Variants in BTAF1 observed in about 807,000 individuals in gnomAD.
BTAF1 encodes B-TFIID TATA-box binding protein associated factor 1.
Under a neutral mutation model 227.1 loss-of-function variants are expected in BTAF1, and 38 were observed. That is an observed-to-expected ratio of 0.17 (90% CI 0.13 to 0.22). The LOEUF is 0.22. BTAF1 is among the 10% of genes least tolerant of loss of function. BTAF1 has a pLI of 1.00. For missense variants in BTAF1, 1,598 were observed against 2,204.0 expected, an observed-to-expected ratio of 0.73 and a Z score of 5.51; for synonymous variants, 742 against 751.9, an observed-to-expected ratio of 0.99 and a Z score of 0.21.
At chr10:91,968,279 T>C (rs2133928999) in intron 14 of BTAF1, among the ~76,000 whole-genome samples, 1 of 152,342 alleles carries the variant, frequency 6.6e-6, no homozygotes, top group Admixed American at 6.5e-5. Flanking sequence ...TTTTCCAAAA[T>C]ATCACATAGT....
chr10:91,997,059 TTAACTC>T (rs1346293330), intron 24 of BTAF1: 6 of 1,246,228 alleles, frequency 4.8e-6, no homozygotes, highest in Non-Finnish European at 6.3e-6. Context: ...CTAACATTCT[TTAACTC>T]AAAGTATCTG....
chr10:91,980,965 T>A (rs1424221597), intron 15 of BTAF1, among the ~76,000 whole-genome samples: 1 of 152,164 alleles, frequency 6.6e-6, no homozygotes, highest in African/African-American at 2.4e-5. Flanking sequence ...CTTAGAGTGA[T>A]CATATGTGTT....
intron 24 of BTAF1, chr10:91,996,937 T>C: frequency 2.5e-6 from 1 of 394,048 alleles, no homozygotes; most frequent in South Asian, 2.2e-5. Flanking sequence ...CCCTATGTTA[T>C]AAACATTTTA....
intron 14 of BTAF1, among the ~76,000 whole-genome samples, chr10:91,969,699 C>G (rs1440074266): frequency 2.0e-5 from 3 of 152,184 alleles, no homozygotes; most frequent in Admixed American, 1.3e-4. Flanking sequence ...CGTGGTGGCT[C>G]AGGCCTGTGA....
chr10:91,992,861 A>G (rs1484390715), intron 21 of BTAF1, among the ~76,000 whole-genome samples: 1 of 152,172 alleles, frequency 6.6e-6, no homozygotes, highest in Non-Finnish European at 1.5e-5. Flanking sequence ...GTACAGTCTT[A>G]ACAAGCAGTG....
intron 1 of BTAF1, among the ~76,000 whole-genome samples, chr10:91,926,497 A>G (rs1770921560): frequency 6.6e-6 from 1 of 152,094 alleles, no homozygotes; most frequent in Non-Finnish European, 1.5e-5. Context: ...TGCCTTTCTA[A>G]TCTTTCTCCA....
intron 19 of BTAF1, among the ~76,000 whole-genome samples, chr10:91,987,530 A>G (rs1848489653): frequency 6.6e-6 from 1 of 151,840 alleles, no homozygotes; most frequent in Admixed American, 6.6e-5. Flanking sequence ...TATTTCCATT[A>G]TCAGAGCCCA....
intron 11 of BTAF1, among the ~76,000 whole-genome samples, chr10:91,960,377 A>G (rs1846418530): frequency 6.6e-6 from 1 of 152,184 alleles, no homozygotes; most frequent in Non-Finnish European, 1.5e-5. Context: ...TTAAGTTCAA[A>G]GATTATTTTT....
intron 5 of BTAF1, 26 bp downstream of exon 5, chr10:91,951,592 T>C (rs1167313732): frequency 5.8e-6 from 9 of 1,562,734 alleles, no homozygotes; most frequent in Non-Finnish European, 7.8e-6. Flanking sequence ...GGTTATTTGA[T>C]TGCAAGTAAT....
At chr10:92,000,527 A>G (rs1231193774) in intron 25 of BTAF1, among the ~76,000 whole-genome samples, 2 of 152,134 alleles carry the variant, frequency 1.3e-5, no homozygotes, top group Non-Finnish European at 2.9e-5. Flanking sequence ...AATGCTTAGC[A>G]GTAGTCTTTT....
chr10:91,941,117 TTC>T (rs772386088), intron 3 of BTAF1, among the ~76,000 whole-genome samples: 4 of 152,232 alleles, frequency 2.6e-5, no homozygotes, highest in African/African-American at 2.4e-5. Flanking sequence ...TTAATTTGTC[TTC>T]TCTCATTAAA....
At chr10:92,006,475 C>T (rs1489518841) in intron 25 of BTAF1, among the ~76,000 whole-genome samples, 1 of 152,122 alleles carries the variant, frequency 6.6e-6, no homozygotes, top group African/African-American at 2.4e-5. Flanking sequence ...ATGTCTTATA[C>T]TTTTGAATGG....
At chr10:92,027,349 T>G in intron 37 of BTAF1, 49 bp downstream of exon 37, 1 of 1,515,184 alleles carries the variant, frequency 6.6e-7, no homozygotes, top group South Asian at 1.3e-5. Context: ...AGGCTTCCTG[T>G]GACTGCTAAG....
At chr10:91,927,685 T>C (rs890330828) in intron 1 of BTAF1, among the ~76,000 whole-genome samples, 4 of 152,146 alleles carry the variant, frequency 2.6e-5, no homozygotes, top group African/African-American at 9.7e-5. Context: ...CCATATGAGT[T>C]GCCTCATAAA....
At chr10:91,982,894 A>C (rs1419525727) in intron 18 of BTAF1, 133 bp downstream of exon 18, 14 of 951,010 alleles carry the variant, frequency 1.5e-5, no homozygotes, top group Non-Finnish European at 2.1e-5. Context: ...AAGTGTCCAA[A>C]TTATATTGAA....
chr10:91,933,859 G>T (rs1844423928), intron 1 of BTAF1, among the ~76,000 whole-genome samples: 1 of 152,188 alleles, frequency 6.6e-6, no homozygotes. Flanking sequence ...TTGGAAGAAG[G>T]GAATGGATTA....
chr10:91,925,418 T>C (rs2133743465), intron 1 of BTAF1, among the ~76,000 whole-genome samples: 1 of 152,300 alleles, frequency 6.6e-6, no homozygotes, highest in East Asian at 1.9e-4. Context: ...ACTTCTTTTC[T>C]TAGAGCAACC....
intron 1 of BTAF1, among the ~76,000 whole-genome samples, chr10:91,929,854 C>T (rs1191115004): frequency 6.6e-6 from 1 of 152,030 alleles, no homozygotes; most frequent in Non-Finnish European, 1.5e-5. Context: ...TCACCTGGCC[C>T]TTATTGTTAA....
chr10:91,996,980 C>A, intron 24 of BTAF1: 1 of 582,012 alleles, frequency 1.7e-6, no homozygotes, highest in Non-Finnish European at 2.7e-6. Context: ...CTTGGGTTTA[C>A]AAATGACCAT....
Sources: gnomAD v4.1 joint callset for allele counts (sites outside exome capture counted in the v4.1 genomes callset) on GRCh38, gnomAD v4.1.1 for gene constraint, MANE v1.5 for transcripts, NCBI Gene and HGNC (gene_info 2026-07-23, HGNC 2026-07-21) for gene names.